The following COX5A variants were observed in gnomAD, a reference collection of about 807,000 sequenced individuals.
COX5A encodes cytochrome c oxidase subunit 5A, also known as cytochrome c oxidase subunit 5A, mitochondrial.
Under a neutral mutation model 16.1 loss-of-function variants are expected in COX5A, and 6 were observed. That is an observed-to-expected ratio of 0.37 (90% confidence interval 0.20 to 0.73). COX5A has a LOEUF of 0.73. Ranked by LOEUF, COX5A falls within the 30% of genes least tolerant of loss-of-function variation. The pLI is 0.50. For missense variants in COX5A, 159 were observed against 194.9 expected (o/e 0.82, Z 1.10); for synonymous variants, 73 against 73.8 (o/e 0.99, Z 0.06).
chr15:74,929,097 A>T lies in COX5A; in HGVS notation c.217+19T>A. 6.6e-7 allele frequency: 1 copy of T among 1,512,840 alleles called. No homozygotes were observed. Among genetic ancestry groups the T allele is most frequent in the African/African-American group, 1.4e-5 (1 of 73,070 alleles). 93.7% of individuals were successfully genotyped at this position (1,512,840 alleles called of 1,614,324 possible). ...TATTTACACACCAAAATAGACAAATATGTTTATGTTCCAATTACCTTTACG... is the reference window on the plus strand; with the variant it reads ...TATTTACACACCAAAATAGACAAATTTGTTTATGTTCCAATTACCTTTACG... On this transcript the variant is annotated intron_variant, in intron 2 of 4. Transcript: ENST00000322347.
At chr15:74,921,945 T>C (rs2065323115) in intron 4 of COX5A, among the ~76,000 whole-genome samples, 1 of 151,882 alleles carries the variant, frequency 6.6e-6, no homozygotes, top group Non-Finnish European at 1.5e-5. Flanking sequence ...CCAAATAATT[T>C]GGAAGGCCAA....
chr15:74,923,155 G>A (rs898667781), intron 4 of COX5A, among the ~76,000 whole-genome samples: 9 of 152,160 alleles, frequency 5.9e-5, no homozygotes, highest in Non-Finnish European at 8.8e-5. Flanking sequence ...GCCGGGCGCG[G>A]TGGCTCAAGC....
At chr15:74,921,343 G>A (rs1170091227) in intron 4 of COX5A, among the ~76,000 whole-genome samples, 2 of 145,468 alleles carry the variant, frequency 1.4e-5, no homozygotes, top group Non-Finnish European at 3.0e-5. Flanking sequence ...GGAAAACGGA[G>A]CTTGCAGTGA....
intron 3 of COX5A, among the ~76,000 whole-genome samples, chr15:74,925,670 G>A (rs1346333393): frequency 6.6e-6 from 1 of 152,094 alleles, no homozygotes; most frequent in Non-Finnish European, 1.5e-5. Context: ...TTACAGGCGT[G>A]AGCCACCGTG....
chr15:74,921,527 C>A (rs564405763), intron 4 of COX5A, among the ~76,000 whole-genome samples: 209 of 151,528 alleles, frequency 1.4e-3, no homozygotes, highest in African/African-American at 4.8e-3. Flanking sequence ...GTCAGGAGTT[C>A]AAGACCAGCC....
At chr15:74,921,407 CAAAAA>C (rs56979177) in intron 4 of COX5A, among the ~76,000 whole-genome samples, 1 of 79,502 alleles carries the variant, frequency 1.3e-5, no homozygotes. Context: ...GACTCCGTCT[CAAAAA>C]AAAAAAAAAA....
chr15:74,937,658 C>G (rs1048845873), intron 1 of COX5A: 2 of 303,646 alleles, frequency 6.6e-6, no homozygotes, highest in African/African-American at 4.3e-5. Flanking sequence ...GCGTCCCCTC[C>G]TCGGCGCCCA....
At chr15:74,930,097 C>T (rs1395252163) in intron 1 of COX5A, among the ~76,000 whole-genome samples, 1 of 139,146 alleles carries the variant, frequency 7.2e-6, no homozygotes, top group Non-Finnish European at 1.6e-5. Flanking sequence ...AACAAACAAA[C>T]AAAAACAAAA....
At chr15:74,937,031 A>G (rs2065394039) in intron 1 of COX5A, among the ~76,000 whole-genome samples, 1 of 152,172 alleles carries the variant, frequency 6.6e-6, no homozygotes, top group African/African-American at 2.4e-5. Flanking sequence ...AGGTTCAAAA[A>G]TAAAATATAA....
intron 4 of COX5A, 60 bp from the exon 5 acceptor site, chr15:74,920,502 T>A: frequency 3.0e-6 from 2 of 674,974 alleles, no homozygotes; most frequent in Non-Finnish European, 5.3e-6. Flanking sequence ...AGAAATCTTT[T>A]AAAAATAACC....
intron 1 of COX5A, among the ~76,000 whole-genome samples, chr15:74,935,347 T>G (rs78345149): frequency 0.065 from 9,802 of 151,360 alleles, 1,025 homozygotes; most frequent in African/African-American, 0.22. Flanking sequence ...AAAGAAAAAT[T>G]TGGCTGGGCA....
At chr15:74,928,388 C>CT (rs955547714) in intron 2 of COX5A, among the ~76,000 whole-genome samples, 73 of 145,726 alleles carry the variant, frequency 5.0e-4, no homozygotes, top group Middle Eastern at 3.5e-3. Context: ...TGTGTAAATT[C>CT]TTTTTTTTTT....
At chr15:74,933,647 G>T (rs1168746498) in intron 1 of COX5A, among the ~76,000 whole-genome samples, 1 of 152,134 alleles carries the variant, frequency 6.6e-6, no homozygotes, top group African/African-American at 2.4e-5. Flanking sequence ...AGTATAAAAT[G>T]ATACAATCAC....
chr15:74,929,225 C>A lies in COX5A; in HGVS notation c.108G>T (p.Gln36His). The change falls in exon 2 of 5, where the codon CAG becomes CAT. Residue 36 changes from glutamine (Q) to histidine (H), a missense_variant. By Grantham distance (24) the Gln-to-His change is conservative. Transcript: ENST00000322347. ...ARTPGPAVAI[Q>H]SVRCYSHGSQ... ...ACCCATGGGAATAGCAGCGAACTGA[C>A]TGGATAGCTATAATGTGAAAGAACC... is the stretch of plus-strand genomic sequence containing the variant. 6.2e-7 allele frequency: 1 copy of A among 1,605,184 alleles called. No homozygotes were observed. Among genetic ancestry groups the A allele is most frequent in the Non-Finnish European group, 8.5e-7 (1 of 1,172,000 alleles).
At chr15:74,935,262 C>T (rs1255382262) in intron 1 of COX5A, among the ~76,000 whole-genome samples, 1 of 150,596 alleles carries the variant, frequency 6.6e-6, no homozygotes, top group Non-Finnish European at 1.5e-5. Flanking sequence ...TGCACTGCAG[C>T]CTGCATGACA....
At position 74,923,778 on chromosome 15, in the gene COX5A, C is replaced by T; in HGVS notation, c.340-8G>A. On this transcript the variant is annotated splice_region_variant and splice_polypyrimidine_tract_variant and intron_variant, in intron 3 of 4. Coordinates refer to ENST00000322347, the MANE Select transcript of COX5A (RefSeq NM_004255.4). ...ATGAGGTCCTGCTTTGTCCTGATGG[C>T]AAAGAGAATATTCACATTTAACTCT... 6.7e-7 allele frequency: 1 copy of T among 1,497,208 alleles called. No individual in the cohort carries two copies. 92.7% of individuals were successfully genotyped at this position (1,497,208 alleles called of 1,614,324 possible).
intron 1 of COX5A, among the ~76,000 whole-genome samples, chr15:74,934,519 G>A (rs192237473): frequency 1.2e-3 from 189 of 152,154 alleles, no homozygotes; most frequent in Admixed American, 4.0e-3. Context: ...TTTTAGTAGA[G>A]ACGGGGTTTC....
Position 74,937,950 on chromosome 15 carries a change from A to G in COX5A, c.65T>C (p.Leu22Pro). Residue 22 changes from leucine (L) to proline (P), a missense_variant, in exon 1 of 5, where the codon CTC becomes CCC. Leu to Pro is a moderately conservative substitution (Grantham distance 98). Coordinates refer to ENST00000322347, the MANE Select transcript of COX5A (RefSeq NM_004255.4). ...GCCGGGGGTCCGGGCGGAGTGCAGG[A>G]GGCCTCGAGGGTCGGCCCGGGTGGT... ...AATTRADPRGLLHSARTPGPA... is the reference protein window; with the variant it reads ...AATTRADPRGPLHSARTPGPA... 2 of 1,232,864 alleles carry G rather than the reference A, an allele frequency of 1.6e-6. No homozygotes were observed. The highest frequency in any genetic ancestry group is 2.0e-6 in the Non-Finnish European group (2 of 987,828). The allele number at this position is 1,232,864 out of a possible 1,614,324, so 76.4% of individuals were successfully genotyped here.
intron 1 of COX5A, chr15:74,937,551 C>G (rs1454935442): frequency 5.2e-6 from 1 of 192,052 alleles, no homozygotes; most frequent in African/African-American, 2.3e-5. Context: ...GTCACCTTCG[C>G]CGAGGCGCTG....
Sources: allele counts gnomAD v4.1 joint callset (sites outside exome capture counted in the v4.1 genomes callset), GRCh38; gene constraint gnomAD v4.1.1; transcripts MANE v1.5; gene names NCBI Gene and HGNC (gene_info 2026-07-23, HGNC 2026-07-21).